LRFN5: variants seen among roughly 807,000 people sequenced by gnomAD.
LRFN5 encodes leucine-rich repeat and fibronectin type-III domain-containing protein 5.
Under a neutral mutation model 45.6 loss-of-function variants are expected in LRFN5, and 24 were observed. The observed-to-expected ratio is 0.53, with a 90% CI of 0.38 to 0.74. LRFN5 has a LOEUF of 0.74. Among genes scored for constraint, LRFN5 ranks in the 30% least tolerant of loss-of-function variants. The probability of loss-of-function intolerance (pLI) is 0.00; values close to 1 mark genes in which losing one functional copy is unlikely to be tolerated. For synonymous variants in LRFN5, 340 were observed against 313.8 expected, an observed-to-expected ratio of 1.08 and a Z score of -0.88; for missense variants, 776 against 861.5, an observed-to-expected ratio of 0.90 and a Z score of 1.24.
intron 1 of LRFN5, among the ~76,000 whole-genome samples, chr14:41,618,306 C>T (rs747220180): frequency 3.3e-5 from 5 of 152,182 alleles, no homozygotes; most frequent in Non-Finnish European, 7.4e-5. Flanking sequence ...TTTCTCTTCT[C>T]TTTGAATCTG....
At chr14:41,660,433 T>C (rs1880594145) in intron 1 of LRFN5, among the ~76,000 whole-genome samples, 1 of 152,116 alleles carries the variant, frequency 6.6e-6, no homozygotes, top group Non-Finnish European at 1.5e-5. Flanking sequence ...TGGATTACAA[T>C]TGTATCCTGG....
chr14:41,750,807 G>A (rs1228633564), intron 1 of LRFN5, among the ~76,000 whole-genome samples: 1 of 152,106 alleles, frequency 6.6e-6, no homozygotes, highest in Admixed American at 6.6e-5. Flanking sequence ...AGAGCACACA[G>A]GGGAAACTGC....
In LRFN5 at chr14:41,891,550, G is replaced by T. The variant is rs139239177; in HGVS notation, c.1686G>T (p.Lys562Asn). 6.2e-7 allele frequency: 1 copy of T among 1,614,170 alleles called. No homozygotes were observed. Among genetic ancestry groups the T allele is most frequent in the Non-Finnish European group, 8.5e-7 (1 of 1,180,032 alleles). The change falls in exon 4 of 6, where the codon AAG becomes AAT. Residue 562 changes from lysine (K) to asparagine (N), a missense_variant. Around this residue, in one of 2 missense-constraint regions of LRFN5, gnomAD observed 465 missense variants for 456.4 expected, o/e 1.02. Coordinates refer to ENST00000298119, the MANE Select transcript of LRFN5 (RefSeq NM_152447.5). ...YKVCNNNGQH[K>N]VTKVSNVYSQ... ...TTTGCAACAATAATGGGCAACACAA[G>T]GTCACCAAGGTTAGCAATGTTTATT...
intron 5 of LRFN5, among the ~76,000 whole-genome samples, chr14:41,901,025 A>G (rs538937940): frequency 1.3e-5 from 2 of 152,152 alleles, no homozygotes; most frequent in Non-Finnish European, 2.9e-5. Flanking sequence ...TTTCATTTCC[A>G]TTATTCAGAA....
intron 2 of LRFN5, among the ~76,000 whole-genome samples, chr14:41,775,013 C>A (rs2138901310): frequency 6.6e-6 from 1 of 152,104 alleles, no homozygotes; most frequent in South Asian, 2.1e-4. Flanking sequence ...AACACATTTC[C>A]CCTGTAGTAA....
At chr14:41,881,341 A>G (rs1440634448) in intron 2 of LRFN5, among the ~76,000 whole-genome samples, 1 of 151,746 alleles carries the variant, frequency 6.6e-6, no homozygotes, top group African/African-American at 2.4e-5. Flanking sequence ...TCTTTTCTTT[A>G]TAAATTTTAA....
At chr14:41,794,827 A>G (rs1887060606) in intron 2 of LRFN5, among the ~76,000 whole-genome samples, 1 of 152,046 alleles carries the variant, frequency 6.6e-6, no homozygotes, top group South Asian at 2.1e-4. Context: ...ATCTGCTTCA[A>G]AATTGTGGGG....
At chr14:41,860,220 A>G (rs530763242) in intron 2 of LRFN5, among the ~76,000 whole-genome samples, 6 of 152,370 alleles carry the variant, frequency 3.9e-5, no homozygotes, top group Non-Finnish European at 8.8e-5. Context: ...GGTACTCAGC[A>G]TACAAAATAA....
chr14:41,841,186 G>A (rs1888847014), intron 2 of LRFN5, among the ~76,000 whole-genome samples: 2 of 151,746 alleles, frequency 1.3e-5, no homozygotes, highest in South Asian at 2.1e-4. Context: ...AGTGATTCTA[G>A]TATCACATTT....
intron 1 of LRFN5, among the ~76,000 whole-genome samples, chr14:41,706,980 A>G (rs541806810): frequency 2.6e-5 from 4 of 152,258 alleles, no homozygotes; most frequent in Admixed American, 2.6e-4. Context: ...TTAAATCTAC[A>G]TCCCTGGCAT....
intron 2 of LRFN5, among the ~76,000 whole-genome samples, chr14:41,797,908 T>C (rs533159134): frequency 1.3e-5 from 2 of 152,116 alleles, no homozygotes; most frequent in South Asian, 4.1e-4. Context: ...TTCTTGTTTT[T>C]AAAAATTTGT....
At chr14:41,840,636 T>A (rs923661912) in intron 2 of LRFN5, among the ~76,000 whole-genome samples, 10 of 152,036 alleles carry the variant, frequency 6.6e-5, no homozygotes, top group African/African-American at 2.4e-4. Flanking sequence ...TAGTTAATAT[T>A]CTTTTTCCCC....
chr14:41,615,177 C>T (rs1887889847), intron 1 of LRFN5, among the ~76,000 whole-genome samples: 1 of 152,042 alleles, frequency 6.6e-6, no homozygotes. Flanking sequence ...GCCAAGTGGT[C>T]ATCTTGACTA....
At chr14:41,880,109 A>G (rs1890325995) in intron 2 of LRFN5, among the ~76,000 whole-genome samples, 2 of 151,062 alleles carry the variant, frequency 1.3e-5, no homozygotes, top group Non-Finnish European at 2.9e-5. Flanking sequence ...TTGTATTTTT[A>G]GTAGAGATGG....
chr14:41,877,364 T>A (rs566344363), intron 2 of LRFN5, among the ~76,000 whole-genome samples: 1 of 152,242 alleles, frequency 6.6e-6, no homozygotes, highest in African/African-American at 2.4e-5. Flanking sequence ...CACCTCAGTT[T>A]TAGAAAGCAA....
At chr14:41,650,340 C>T (rs932717371) in intron 1 of LRFN5, among the ~76,000 whole-genome samples, 8 of 150,096 alleles carry the variant, frequency 5.3e-5, no homozygotes, top group African/African-American at 2.0e-4. Flanking sequence ...ATATAAATTG[C>T]CAATATTAAA....
At chr14:41,698,185 C>T (rs1594625624) in intron 1 of LRFN5, among the ~76,000 whole-genome samples, 1 of 152,084 alleles carries the variant, frequency 6.6e-6, no homozygotes, top group East Asian at 1.9e-4. Context: ...TCAAAGATTA[C>T]AGGAGAACCT....
At chr14:41,798,973 G>A (rs1014825708) in intron 2 of LRFN5, among the ~76,000 whole-genome samples, 2 of 151,950 alleles carry the variant, frequency 1.3e-5, no homozygotes, top group Non-Finnish European at 2.9e-5. Flanking sequence ...CTTGTGGTGT[G>A]TGTGCTCTTT....
chr14:41,892,089 G>A, intron 4 of LRFN5, 127 bp downstream of exon 4: 7 of 1,456,500 alleles, frequency 4.8e-6, no homozygotes, highest in Admixed American at 2.9e-5. Flanking sequence ...CCTAAAAGAA[G>A]CATGTCTATG....
Sources: gnomAD v4.1 joint callset for allele counts (sites outside exome capture counted in the v4.1 genomes callset) on GRCh38, gnomAD v4.1.1 for gene constraint, gnomAD v4.1.1 regional missense constraint, MANE v1.5 for transcripts, NCBI Gene and HGNC (gene_info 2026-07-23, HGNC 2026-07-21) for gene names.